PLSCR2: variants seen among roughly 807,000 people sequenced by gnomAD.
PLSCR2 encodes PL scramblase 2.
A neutral mutation model predicts 25.3 loss-of-function variants in PLSCR2; 18 were observed. The observed-to-expected ratio is 0.71, with a 90% CI of 0.49 to 1.06. PLSCR2 has a LOEUF of 1.06. Among genes scored for constraint, PLSCR2 ranks in the 50% least tolerant of loss-of-function variants. The probability of loss-of-function intolerance (pLI) is 0.00; values close to 1 mark genes in which losing one functional copy is unlikely to be tolerated. For missense variants in PLSCR2, 243 were observed against 269.5 expected (o/e 0.90, Z 0.69); for synonymous variants, 88 against 87.3 (o/e 1.01, Z -0.04).
At chr3:146,449,146 G>A in intron 6 of PLSCR2, 60 bp downstream of exon 6, 1 of 1,148,798 alleles carries the variant, frequency 8.7e-7, no homozygotes, top group Non-Finnish European at 1.3e-6. Flanking sequence ...ATTTATTGAA[G>A]TATTTCAGAA....
At chr3:146,412,809 A>C (rs552042336) in intron 2 of PLSCR2, among the ~76,000 whole-genome samples, 1 of 152,186 alleles carries the variant, frequency 6.6e-6, no homozygotes, top group South Asian at 2.1e-4. Context: ...CTGATTGGCT[A>C]TTTTAAAGAA....
chr3:146,399,222 A>G (rs950985564), intron 2 of PLSCR2, among the ~76,000 whole-genome samples: 12 of 152,034 alleles, frequency 7.9e-5, no homozygotes, highest in African/African-American at 2.9e-4. Flanking sequence ...AAGCACTTTC[A>G]TAACTCTTTG....
chr3:146,413,477 G>C (rs1399929659), intron 2 of PLSCR2, among the ~76,000 whole-genome samples: 4 of 151,918 alleles, frequency 2.6e-5, no homozygotes, highest in Non-Finnish European at 4.4e-5. Flanking sequence ...TAATCATGCA[G>C]TTCCTTCAAT....
At chr3:146,492,742 A>T (rs573730488) in intron 1 of PLSCR2, among the ~76,000 whole-genome samples, 5 of 151,694 alleles carry the variant, frequency 3.3e-5, no homozygotes, top group African/African-American at 1.2e-4. Flanking sequence ...AGGAATTTTA[A>T]AAAAAAAGAA....
intron 3 of PLSCR2, among the ~76,000 whole-genome samples, chr3:146,392,465 AT>A (rs1038218945): frequency 5.8e-4 from 88 of 151,906 alleles, no homozygotes; most frequent in African/African-American, 2.0e-3. Flanking sequence ...AGTGGTTTTT[AT>A]TCCCTCTTTG....
chr3:146,437,812 T>C (rs376531338), downstream of PLSCR2, among the ~76,000 whole-genome samples: 4 of 152,062 alleles, frequency 2.6e-5, no homozygotes, highest in Non-Finnish European at 5.9e-5. Context: ...TTGCCTTCTG[T>C]TAGCTTTTGA....
At chr3:146,459,945 G>C in exon 2 of PLSCR2, 2 of 1,614,130 alleles carry the variant, frequency 1.2e-6, no homozygotes, top group South Asian at 1.1e-5. Flanking sequence ...ATTTTGAACA[G>C]GAATGCCAGC....
chr3:146,467,630 C>CAT (rs200920406), intron 1 of PLSCR2, among the ~76,000 whole-genome samples: 6,349 of 151,712 alleles, frequency 0.042, 185 homozygotes, highest in Admixed American at 0.088. Flanking sequence ...ATGGATAACA[C>CAT]ATATATAACA....
At chr3:146,461,711 G>A, upstream of PLSCR2, 2 of 599,242 alleles carry the variant, frequency 3.3e-6, no homozygotes, top group South Asian at 2.2e-5. Context: ...ATGTTCGTGA[G>A]AGAGGAGAGT....
At chr3:146,439,251 T>A (rs984535389), downstream of PLSCR2, among the ~76,000 whole-genome samples, 11 of 152,186 alleles carry the variant, frequency 7.2e-5, no homozygotes, top group African/African-American at 2.7e-4. Flanking sequence ...CAACTATGTG[T>A]CTTGGAGTTG....
chr3:146,405,630 G>A (rs1338460523), intron 2 of PLSCR2, among the ~76,000 whole-genome samples: 3 of 152,174 alleles, frequency 2.0e-5, no homozygotes, highest in Admixed American at 6.5e-5. Flanking sequence ...ATTACATTGA[G>A]TCTTAAGATA....
chr3:146,461,949 T>C, upstream of PLSCR2: 2 of 1,453,916 alleles, frequency 1.4e-6, no homozygotes, highest in Non-Finnish European at 9.1e-7. Flanking sequence ...ATAATATCCT[T>C]TCATAAGCTA....
chr3:146,490,378 G>A (rs899082280), intron 1 of PLSCR2, among the ~76,000 whole-genome samples: 2 of 152,160 alleles, frequency 1.3e-5, no homozygotes, highest in South Asian at 2.1e-4. Context: ...ACTCTGCCAT[G>A]AGAATACTTC....
chr3:146,416,444 T>C (rs1364787113), intron 2 of PLSCR2: 3 of 152,212 alleles, frequency 2.0e-5, no homozygotes, highest in South Asian at 2.1e-4. Flanking sequence ...AGTTATATTC[T>C]GGAACGATCT....
chr3:146,455,105 T>C, intron 4 of PLSCR2, 134 bp downstream of exon 4: 1 of 639,006 alleles, frequency 1.6e-6, no homozygotes. Context: ...TCTTATACAA[T>C]TGATTTGGAA....
At chr3:146,422,379 A>G (rs1176853581) in intron 2 of PLSCR2, among the ~76,000 whole-genome samples, 1 of 152,060 alleles carries the variant, frequency 6.6e-6, no homozygotes, top group Admixed American at 6.6e-5. Context: ...TCTTTTCTTT[A>G]TTTCTTATTT....
chr3:146,492,207 G>C (rs559260747), intron 1 of PLSCR2, among the ~76,000 whole-genome samples: 1 of 152,056 alleles, frequency 6.6e-6, no homozygotes, highest in East Asian at 1.9e-4. Context: ...TCACTGCATC[G>C]GAGAGGCTGA....
chr3:146,492,065 T>C (rs139913912), intron 1 of PLSCR2, among the ~76,000 whole-genome samples: 2 of 152,262 alleles, frequency 1.3e-5, no homozygotes, highest in Non-Finnish European at 2.9e-5. Flanking sequence ...TTGGGTTTAG[T>C]CAACTGGCTT....
At chr3:146,427,535 C>T (rs947133026) in intron 2 of PLSCR2, among the ~76,000 whole-genome samples, 2 of 152,174 alleles carry the variant, frequency 1.3e-5, no homozygotes, top group African/African-American at 4.8e-5. Flanking sequence ...CCTCCCTGCC[C>T]AGCACCGGCA....
Sources: gnomAD v4.1 joint callset for allele counts (sites outside exome capture counted in the v4.1 genomes callset) on GRCh38, gnomAD v4.1.1 for gene constraint, MANE v1.5 for transcripts, NCBI Gene and HGNC (gene_info 2026-07-23, HGNC 2026-07-21) for gene names.